Variants in SORCS2 observed in about 807,000 individuals in gnomAD.
SORCS2 encodes VPS10 domain-containing receptor SorCS2.
Under a neutral mutation model 141.6 loss-of-function variants are expected in SORCS2, and 100 were observed. The ratio of observed to expected loss-of-function variants is 0.71; its 90% CI spans 0.60 to 0.83. The LOEUF is 0.83. SORCS2 is among the 40% of genes least tolerant of loss of function. The pLI, the probability that SORCS2 is intolerant of heterozygous loss-of-function variation, is 0.00. For synonymous variants in SORCS2, 789 were observed against 676.9 expected (o/e 1.17, Z -2.57); for missense variants, 1,646 against 1,560.2 (o/e 1.05, Z -0.93).
chr4:7,676,225 T>A lies in SORCS2; in HGVS notation c.1337T>A (p.Leu446Gln). ...GAGGAGAGCGTGCTCATCGACATCC[T>A]GGAGGTGGGTCCAGGGTGGATGTGG... Reference protein sequence around the residue: ...QAEESVLIDILEVRGVKGVFL... With the variant: ...QAEESVLIDIQEVRGVKGVFL... Residue 446 changes from leucine to glutamine, a missense_variant, in exon 9 of 27, where the codon CTG becomes CAG. By Grantham distance (113) the Leu-to-Gln change is moderately radical (BLOSUM62 -2). Coordinates refer to ENST00000507866, the MANE Select transcript of SORCS2 (RefSeq NM_020777.3). 6.5e-7 allele frequency: 1 copy of A among 1,549,172 alleles called. No individual in the cohort carries two copies. The highest frequency in any genetic ancestry group is 1.2e-5 in the South Asian group (1 of 83,964).
At chr4:7,335,342 T>G (rs867711290) in intron 1 of SORCS2, among the ~76,000 whole-genome samples, 1 of 152,216 alleles carries the variant, frequency 6.6e-6, no homozygotes, top group Admixed American at 6.5e-5. Flanking sequence ...GGGCCCTCCC[T>G]GGGGAGTGAA....
chr4:7,731,676 G>A (rs1174948929), intron 23 of SORCS2, among the ~76,000 whole-genome samples: 1 of 152,130 alleles, frequency 6.6e-6, no homozygotes, highest in African/African-American at 2.4e-5. Context: ...ACGGTCAATT[G>A]ATTTTCAATA....
At chr4:7,594,947 C>T (rs1560412845) in intron 3 of SORCS2, among the ~76,000 whole-genome samples, 2 of 152,252 alleles carry the variant, frequency 1.3e-5, no homozygotes, top group South Asian at 2.1e-4. Context: ...TTTTGCAACA[C>T]ATCTCCACCT....
chr4:7,525,004 G>A (rs941512415), intron 2 of SORCS2, among the ~76,000 whole-genome samples: 1 of 152,218 alleles, frequency 6.6e-6, no homozygotes, highest in African/African-American at 2.4e-5. Context: ...GCTTAACTCG[G>A]GTCCTCCTTT....
chr4:7,496,264 G>A (rs1227943994), intron 2 of SORCS2, among the ~76,000 whole-genome samples: 1 of 152,180 alleles, frequency 6.6e-6, no homozygotes, highest in Non-Finnish European at 1.5e-5. Flanking sequence ...CCTCCCTGCT[G>A]TGTAGATAAG....
intron 2 of SORCS2, among the ~76,000 whole-genome samples, chr4:7,410,658 C>G (rs1044339341): frequency 1.3e-5 from 2 of 152,180 alleles, no homozygotes; most frequent in South Asian, 4.1e-4. Context: ...CCAGGCCAGT[C>G]TCCCTCAGTG....
chr4:7,600,656 T>TACACACACACACACAC (rs57789330), intron 3 of SORCS2, among the ~76,000 whole-genome samples: 1 of 140,902 alleles, frequency 7.1e-6, no homozygotes, highest in Non-Finnish European at 1.5e-5. Flanking sequence ...CATATATATA[T>TACACACACACACACAC]ACACACACAC....
intron 26 of SORCS2, 30 bp downstream of exon 26, chr4:7,737,202 T>C: frequency 6.5e-7 from 1 of 1,550,210 alleles, no homozygotes; most frequent in South Asian, 1.2e-5. Context: ...TGATCTCGAC[T>C]CGCAGACTCT....
intron 1 of SORCS2, among the ~76,000 whole-genome samples, chr4:7,344,835 A>G (rs556608463): frequency 9.2e-5 from 14 of 152,330 alleles, no homozygotes; most frequent in Admixed American, 5.9e-4. Context: ...TTTATCCTTG[A>G]AAACAGCAGA....
At chr4:7,484,427 C>T (rs1239701423) in intron 2 of SORCS2, among the ~76,000 whole-genome samples, 1 of 152,136 alleles carries the variant, frequency 6.6e-6, no homozygotes, top group East Asian at 1.9e-4. Context: ...CCAGCCGGAG[C>T]GGCCTGCTGG....
intron 1 of SORCS2, among the ~76,000 whole-genome samples, chr4:7,314,873 C>T (rs1188891069): frequency 1.4e-5 from 2 of 147,514 alleles, no homozygotes; most frequent in Non-Finnish European, 3.0e-5. Flanking sequence ...ATGGAGTTGC[C>T]CAGGTTGGAG....
intron 1 of SORCS2, among the ~76,000 whole-genome samples, chr4:7,287,672 A>G (rs527833900): frequency 1.1e-4 from 17 of 152,208 alleles, no homozygotes; most frequent in Non-Finnish European, 2.2e-4. Context: ...AAAGGAGATG[A>G]CAATACTGGC....
At chr4:7,725,416 C>A (rs1463484077) in intron 20 of SORCS2, 129 bp downstream of exon 20, 1 of 1,340,202 alleles carries the variant, frequency 7.5e-7, no homozygotes, top group Non-Finnish European at 9.9e-7. Context: ...CACCCTTGGG[C>A]CCCTCCTGGG....
rs1164982903 is a variant in SORCS2 at position 7,196,002 on chromosome 4, CT to C, written c.480+2880del. On this transcript the variant is annotated intron_variant, in intron 1 of 26. Transcript: ENST00000507866. Reference sequence around the variant, plus strand: ...GAGGGAGATGGACTTTAAAACATGGCTTTTGAGAGCATCCCACAAGAAGCAG... The same window carrying C: ...GAGGGAGATGGACTTTAAAACATGGCTTTGAGAGCATCCCACAAGAAGCAG... Among the ~76,000 whole-genome samples the C allele has an allele frequency of 2.0e-5, 3 of 152,320 alleles. No individual in the cohort carries two copies. In the East Asian group the frequency reaches 5.8e-4, roughly 29 times the overall value.
intron 2 of SORCS2, among the ~76,000 whole-genome samples, chr4:7,406,128 T>G (rs914966467): frequency 2.0e-5 from 3 of 152,152 alleles, no homozygotes; most frequent in African/African-American, 7.2e-5. Context: ...TGTGGTGTGT[T>G]GTTGGGTTCA....
At chr4:7,721,525 G>A (rs1262182884) in intron 18 of SORCS2, among the ~76,000 whole-genome samples, 3 of 152,084 alleles carry the variant, frequency 2.0e-5, no homozygotes, top group African/African-American at 4.8e-5. Flanking sequence ...GGATTATGCC[G>A]AGTGAAAAAA....
At chr4:7,406,855 A>G (rs1015490219) in intron 2 of SORCS2, among the ~76,000 whole-genome samples, 1 of 151,950 alleles carries the variant, frequency 6.6e-6, no homozygotes, top group African/African-American at 2.4e-5. Context: ...TCCTTGCTGT[A>G]TCCCATAGAT....
chr4:7,292,371 C>G (rs1382571073), intron 1 of SORCS2, among the ~76,000 whole-genome samples: 2 of 152,106 alleles, frequency 1.3e-5, no homozygotes, highest in Non-Finnish European at 2.9e-5. Context: ...GCTCCCATCA[C>G]TGCATTGAGT....
chr4:7,521,267 C>G (rs1474117665), intron 2 of SORCS2, among the ~76,000 whole-genome samples: 2 of 152,148 alleles, frequency 1.3e-5, no homozygotes, highest in Non-Finnish European at 2.9e-5. Context: ...GTCGTGGGTT[C>G]AGATCCTGCT....
Sources: gnomAD v4.1 joint callset for allele counts (sites outside exome capture counted in the v4.1 genomes callset) on GRCh38, gnomAD v4.1.1 for gene constraint, MANE v1.5 for transcripts, NCBI Gene and HGNC (gene_info 2026-07-23, HGNC 2026-07-21) for gene names.